ZNF579: variants seen among roughly 807,000 people sequenced by gnomAD.
The protein encoded by ZNF579 is zinc finger protein 579.
In ZNF579, 3 loss-of-function variants were observed where a neutral mutation model predicts 5.7. That is an observed-to-expected ratio of 0.53 (90% CI 0.24 to 1.36). The LOEUF (loss-of-function observed/expected upper bound fraction) is 1.36. Ranked by LOEUF, ZNF579 falls within the 40% of genes most tolerant of loss-of-function variation. The pLI, the probability that ZNF579 is intolerant of heterozygous loss-of-function variation, is 0.16. For missense variants in ZNF579, 679 were observed against 877.6 expected (o/e 0.77, Z 2.86); for synonymous variants, 454 against 409.0 (o/e 1.11, Z -1.33).
At position 55,579,601 on chromosome 19, in the gene ZNF579, T is replaced by G; in HGVS notation, c.39A>C (p.Pro13=). Reference sequence around the variant, plus strand: ...GGCCCCGGCCTCGGCCACGGTGAGGTGGGCTGCCCTGGGCGGGTGGAGGAG... The same window carrying G: ...GGCCCCGGCCTCGGCCACGGTGAGGGGGGCTGCCCTGGGCGGGTGGAGGAG... ...PQPPPPAQGS[P]PHRGRGRGRG... Residue 13 remains proline (P), a synonymous_variant, in exon 2 of 2, where the codon CCA becomes CCC. Coordinates refer to ENST00000325421, the MANE Select transcript of ZNF579 (RefSeq NM_152600.3). 1 of 1,484,332 alleles carries G rather than the reference T, an allele frequency of 6.7e-7. No individual in the cohort carries two copies. The highest frequency in any genetic ancestry group is 1.3e-5 in the South Asian group (1 of 79,514). 91.9% of individuals were successfully genotyped at this position (1,484,332 alleles called of 1,614,324 possible). A position where few individuals can be genotyped will look rare whatever the true frequency, so the allele number is the denominator to read the frequency against.
chr19:55,577,944 G>A lies in ZNF579; in HGVS notation c.*7C>T, dbSNP rs756192538. On this transcript the variant is annotated 3_prime_UTR_variant, in exon 2 of 2. Coordinates refer to ENST00000325421, the MANE Select transcript of ZNF579 (RefSeq NM_152600.3). ...AGGCGGAGCGGCGGAGGGCAGGGCG[G>A]CGAAGGTCAGGAGGCCAGGCCCCCC... 4.0e-5 allele frequency: 64 copies of A among 1,580,958 alleles called. No homozygotes were observed. Among genetic ancestry groups the A allele is most frequent in the Non-Finnish European group, 5.4e-5 (63 of 1,164,110 alleles).
rs1051674168 is a variant in ZNF579, at chr19:55,578,175, G to A, written c.1465C>T (p.Pro489Ser). The change falls in exon 2 of 2, where the codon CCG becomes TCG. Residue 489 changes from proline to serine, a missense_variant. This residue lies in a region of ZNF579 where 116 missense variants were observed against 121.9 expected (regional missense o/e 0.95). Coordinates refer to ENST00000325421, the MANE Select transcript of ZNF579 (RefSeq NM_152600.3). ...TCCTCCTGCTCGGCCTTCAGGGGCG[G>A]CGGGGGCGGTGGCGGCGACGTCGGG... ...QAPTSPPPPPPPLKAEQEEEG... is the reference protein window; with the variant it reads ...QAPTSPPPPPSPLKAEQEEEG... 1.3e-6 allele frequency: 2 copies of A among 1,504,020 alleles called. No individual in the cohort carries two copies. The highest frequency in any genetic ancestry group is 4.5e-5 in the Admixed American group (2 of 44,492). The allele number at this position is 1,504,020 out of a possible 1,614,324, so 93.2% of individuals were successfully genotyped here.
chr19:55,579,374 C>T lies in ZNF579; in HGVS notation c.266G>A (p.Arg89His). ...KAFRRPAHLSRHLRGHGPQPP... is the reference protein window; with the variant it reads ...KAFRRPAHLSHHLRGHGPQPP... Reference sequence around the variant, plus strand: ...CTGGGGCCCGTGGCCGCGCAGGTGGCGGGAAAGGTGGGCCGGCCGGCGGAA... The same window carrying T: ...CTGGGGCCCGTGGCCGCGCAGGTGGTGGGAAAGGTGGGCCGGCCGGCGGAA... Residue 89 changes from arginine (R) to histidine (H), a missense_variant, in exon 2 of 2, where the codon CGC becomes CAC. This residue lies in a region of ZNF579 where 134 missense variants were observed against 208.9 expected (regional missense o/e 0.64). Coordinates refer to ENST00000325421, the MANE Select transcript of ZNF579 (RefSeq NM_152600.3). 7.5e-7 allele frequency: 1 copy of T among 1,339,240 alleles called. No individual in the cohort carries two copies. The highest frequency in any genetic ancestry group is 9.6e-7 in the Non-Finnish European group (1 of 1,045,816). 83.0% of individuals were successfully genotyped at this position (1,339,240 alleles called of 1,614,324 possible).
At chr19:55,579,907 A>C in intron 1 of ZNF579, 1 of 375,390 alleles carries the variant, frequency 2.7e-6, no homozygotes, top group Non-Finnish European at 4.7e-6. Flanking sequence ...GACACAGAGA[A>C]GTGGGGATGG....
chr19:55,579,580 C>A lies in ZNF579; in HGVS notation c.60G>T (p.Arg20=), dbSNP rs760374088. The A allele has an allele frequency of 7.9e-5, 118 of 1,493,590 alleles. No homozygotes were observed. Among genetic ancestry groups the A allele is most frequent in the Non-Finnish European group, 6.6e-5 (74 of 1,128,268 alleles). The allele number at this position is 1,493,590 out of a possible 1,614,324, so 92.5% of individuals were successfully genotyped here. The part of the protein sequence containing the change: ...QGSPPHRGRG[R]GRGRGRGRGR... ...CCCGACCACGGCCTCGGCCACGGCC[C>A]CGGCCTCGGCCACGGTGAGGTGGGC... is the stretch of plus-strand genomic sequence containing the variant. Residue 20 remains arginine (R), a synonymous_variant, in exon 2 of 2, where the codon CGG becomes CGT. Coordinates refer to ENST00000325421, the MANE Select transcript of ZNF579 (RefSeq NM_152600.3).
rs1378381538 is a variant in ZNF579 at position 55,578,139 on chromosome 19, G to T, written c.1501C>A (p.Pro501Thr). Residue 501 changes from proline to threonine, a missense_variant, in exon 2 of 2, where the codon CCG becomes ACG. Coordinates refer to ENST00000325421, the MANE Select transcript of ZNF579 (RefSeq NM_152600.3). ...LKAEQEEEGL[P>T]LPLANIKEEP... is the part of the protein sequence containing the mutation. ...TCCTTAATGTTTGCGAGGGGCAGCGGGAGCCCTTCTTCCTCCTGCTCGGCC... is the reference window on the plus strand; with the variant it reads ...TCCTTAATGTTTGCGAGGGGCAGCGTGAGCCCTTCTTCCTCCTGCTCGGCC... 1.3e-6 allele frequency: 2 copies of T among 1,537,676 alleles called. No individual in the cohort carries two copies. Among genetic ancestry groups the T allele is most frequent in the African/African-American group, 2.7e-5 (2 of 72,866 alleles).
rs1979553363 is a variant in ZNF579 at position 55,579,406 on chromosome 19, G to A, written c.234C>T (p.Pro78=). Residue 78 remains proline (P), a synonymous_variant, in exon 2 of 2, where the codon CCC becomes CCT. Transcript: ENST00000325421. ...GGTGGGCCGGCCGGCGGAAGGCCTT[G>A]GGGCACAGCGGGCAGGCGTGGGGCC... is the stretch of plus-strand genomic sequence containing the variant. The part of the protein sequence containing the change: ...GLRPHACPLC[P]KAFRRPAHLS... 7.5e-7 allele frequency: 1 copy of A among 1,338,276 alleles called. No individual in the cohort carries two copies. The highest frequency in any genetic ancestry group is 9.6e-7 in the Non-Finnish European group (1 of 1,043,418). 82.9% of individuals were successfully genotyped at this position (1,338,276 alleles called of 1,614,324 possible).
Position 55,579,557 on chromosome 19 carries a change from C to T in ZNF579, c.83G>A (p.Arg28Gln), listed in dbSNP as rs1265278232. ...RGRGRGRGRG[R>Q]GRGRGRGGAG... ...GCCCCCCCTGCCACGGCCACGGCCC[C>T]GACCACGGCCTCGGCCACGGCCCCG... is the stretch of plus-strand genomic sequence containing the variant. Residue 28 changes from arginine to glutamine, a missense_variant, in exon 2 of 2, where the codon CGG (arginine) becomes CAG (glutamine). Physicochemically the swap from Arg to Gln is conservative, Grantham distance 43. This residue lies in a region of ZNF579 where 134 missense variants were observed against 208.9 expected (regional missense o/e 0.64). Transcript: ENST00000325421. The T allele has an allele frequency of 2.0e-6, 3 of 1,488,808 alleles. No individual in the cohort carries two copies. Among genetic ancestry groups the T allele is most frequent in the Admixed American group, 2.3e-5 (1 of 43,094 alleles). 92.2% of individuals were successfully genotyped at this position (1,488,808 alleles called of 1,614,324 possible).
Position 55,577,308 on chromosome 19 carries a change from A to G in ZNF579, c.*643T>C, listed in dbSNP as rs1979403795. On this transcript the variant is annotated 3_prime_UTR_variant, in exon 2 of 2. Transcript: ENST00000325421. ...GGCAGTGGTGAGGATAATCGCGCGG[A>G]GCTTCCACAGGGCAGCGGTGACGAT... is the stretch of plus-strand genomic sequence containing the variant. 6.4e-6 allele frequency: 1 copy of G among 156,626 alleles called. No homozygotes were observed. The highest frequency in any genetic ancestry group is 1.4e-5 in the Non-Finnish European group (1 of 70,600). The allele number at this position is 156,626 out of a possible 1,614,324, so 9.7% of individuals were successfully genotyped here.
rs1979526083 is a variant in ZNF579 at position 55,579,071 on chromosome 19, T to G, written c.569A>C (p.Glu190Ala). The G allele has an allele frequency of 6.5e-7, 1 of 1,528,752 alleles. No individual in the cohort carries two copies. Among genetic ancestry groups the G allele is most frequent in the African/African-American group, 1.4e-5 (1 of 71,782 alleles). The allele number at this position is 1,528,752 out of a possible 1,614,324, so 94.7% of individuals were successfully genotyped here. The part of the protein sequence containing the change: ...STLAAPTSAA[E>A]PRESESEEAE... ...CTCCTCCGACTCCGACTCCCGGGGCTCCGCGGCGCTGGTGGGCGCAGCCAG... is the reference window on the plus strand; with the variant it reads ...CTCCTCCGACTCCGACTCCCGGGGCGCCGCGGCGCTGGTGGGCGCAGCCAG... Residue 190 changes from glutamate (E) to alanine (A), a missense_variant, in exon 2 of 2, where the codon GAG becomes GCG. Coordinates refer to ENST00000325421, the MANE Select transcript of ZNF579 (RefSeq NM_152600.3).
In ZNF579 at chr19:55,578,651, G is replaced by A; in HGVS notation, c.989C>T (p.Pro330Leu). The part of the protein sequence containing the change: ...HGPLSLLAPL[P>L]AAGKKDDKAS... ...CTTGTCGTCCTTCTTGCCCGCCGCG[G>A]GCAGCGGGGCCAGCAGGCTGAGGGG... The change falls in exon 2 of 2, where the codon CCC becomes CTC. Residue 330 changes from proline (P) to leucine (L), a missense_variant. Pro to Leu is a moderately conservative substitution (Grantham distance 98). Coordinates refer to ENST00000325421, the MANE Select transcript of ZNF579 (RefSeq NM_152600.3). 6.5e-7 allele frequency: 1 copy of A among 1,530,312 alleles called. No homozygotes were observed. The highest frequency in any genetic ancestry group is 1.4e-5 in the African/African-American group (1 of 70,552). The allele number at this position is 1,530,312 out of a possible 1,614,324, so 94.8% of individuals were successfully genotyped here.
At position 55,579,148 on chromosome 19, in the gene ZNF579, C is replaced by T. The variant is rs12975044; in HGVS notation, c.492G>A (p.Glu164=). 2.6e-6 allele frequency: 4 copies of T among 1,525,316 alleles called. No individual in the cohort carries two copies. Among genetic ancestry groups the T allele is most frequent in the Non-Finnish European group, 3.5e-6 (4 of 1,142,076 alleles). The allele number at this position is 1,525,316 out of a possible 1,614,324, so 94.5% of individuals were successfully genotyped here. The change falls in exon 2 of 2, where the codon GAG becomes GAA. Residue 164 remains glutamate (E), a synonymous_variant. Transcript: ENST00000325421. ...TCTCAGGCCACGCTGCGACCGCCTCCTCCTCCGTGGCCCCTGCTGCAGCGG... is the reference window on the plus strand; with the variant it reads ...TCTCAGGCCACGCTGCGACCGCCTCTTCCTCCGTGGCCCCTGCTGCAGCGG... The part of the protein sequence containing the change: ...PTTAAAGATE[E]EAVAAWPETW...
chr19:55,578,738 G>T lies in ZNF579; in HGVS notation c.902C>A (p.Pro301Gln). The T allele has an allele frequency of 6.3e-7, 1 of 1,599,408 alleles. No individual in the cohort carries two copies. The highest frequency in any genetic ancestry group is 1.1e-5 in the South Asian group (1 of 89,392). Residue 301 changes from proline (P) to glutamine (Q), a missense_variant, in exon 2 of 2, where the codon CCA (proline) becomes CAA (glutamine). Around this residue, in one of 6 missense-constraint regions of ZNF579, gnomAD observed 38 missense variants for 70.3 expected, o/e 0.54. Transcript: ENST00000325421. ...GAGGCGGAAGGCCAGGCCGCAGTCT[G>T]GGCACACGAAAGGGCGGTCGGTGGA... The part of the protein sequence containing the change: ...VHSTDRPFVC[P>Q]DCGLAFRLAS...
chr19:55,578,095 C>A lies in ZNF579; in HGVS notation c.1545G>T (p.Gly515=). 6.4e-7 allele frequency: 1 copy of A among 1,567,392 alleles called. No individual in the cohort carries two copies. The highest frequency in any genetic ancestry group is 2.3e-5 in the East Asian group (1 of 42,964). Reference sequence around the variant, plus strand: ...GAGCCGGCGGGGACTGGGGTGGGGTCCCCGGAGAGGGCGGCTCTTCCTTAA... The same window carrying A: ...GAGCCGGCGGGGACTGGGGTGGGGTACCCGGAGAGGGCGGCTCTTCCTTAA... ...ANIKEEPPSP[G]TPPQSPPAPP... is the part of the protein sequence containing the mutation. The change falls in exon 2 of 2, where the codon GGG becomes GGT. Residue 515 remains glycine (G), a synonymous_variant. Coordinates refer to ENST00000325421, the MANE Select transcript of ZNF579 (RefSeq NM_152600.3).
rs1342772498 is a variant in ZNF579, at chr19:55,578,632, G to A, written c.1008C>T (p.Asp336=). The change falls in exon 2 of 2, where the codon GAC becomes GAT. Residue 336 remains aspartate (D), a synonymous_variant. Coordinates refer to ENST00000325421, the MANE Select transcript of ZNF579 (RefSeq NM_152600.3). ...AGTTCCGTGCACCCGAGGCCTTGTCGTCCTTCTTGCCCGCCGCGGGCAGCG... is the reference window on the plus strand; with the variant it reads ...AGTTCCGTGCACCCGAGGCCTTGTCATCCTTCTTGCCCGCCGCGGGCAGCG... ...LAPLPAAGKK[D]DKASGARNSA... 9 of 1,527,022 alleles carry A rather than the reference G, an allele frequency of 5.9e-6. No homozygotes were observed. The highest frequency in any genetic ancestry group is 2.0e-5 in the Admixed American group (1 of 48,980). 94.6% of individuals were successfully genotyped at this position (1,527,022 alleles called of 1,614,324 possible).
rs1288644506 is a variant in ZNF579 at position 55,578,518 on chromosome 19, C to G, written c.1122G>C (p.Pro374=). 5.7e-6 allele frequency: 8 copies of G among 1,401,760 alleles called. No individual in the cohort carries two copies. The highest frequency in any genetic ancestry group is 2.9e-5 in the East Asian group (1 of 34,760). 86.8% of individuals were successfully genotyped at this position (1,401,760 alleles called of 1,614,324 possible). A position where few individuals can be genotyped will look rare whatever the true frequency, so the allele number is the denominator to read the frequency against. ...GEGQNGGDAA[P]ARPPAGEPRF... ...GGGGCTCCCCGGCGGGGGGCCGAGC[C>G]GGGGCGGCGTCGCCTCCGTTCTGCC... Residue 374 remains proline (P), a synonymous_variant, in exon 2 of 2, where the codon CCG becomes CCC. Transcript: ENST00000325421.
At position 55,578,504 on chromosome 19, in the gene ZNF579, G is replaced by C. The variant is rs371081934; in HGVS notation, c.1136C>G (p.Ala379Gly). Reference sequence around the variant, plus strand: ...TGGGCACCAGAAGCGGGGCTCCCCGGCGGGGGGCCGAGCCGGGGCGGCGTC... The same window carrying C: ...TGGGCACCAGAAGCGGGGCTCCCCGCCGGGGGGCCGAGCCGGGGCGGCGTC... ...GGDAAPARPPAGEPRFWCPEC... is the reference protein window; with the variant it reads ...GGDAAPARPPGGEPRFWCPEC... The change falls in exon 2 of 2, where the codon GCC (alanine) becomes GGC (glycine). Residue 379 changes from alanine to glycine, a missense_variant. Physicochemically the swap from Ala to Gly is moderately conservative, Grantham distance 60. Coordinates refer to ENST00000325421, the MANE Select transcript of ZNF579 (RefSeq NM_152600.3). The C allele has an allele frequency of 2.0e-3, 2,771 of 1,416,418 alleles. 50 individuals carry two copies. In the East Asian group the frequency reaches 0.052, roughly 27 times the overall value. The allele number at this position is 1,416,418 out of a possible 1,614,324, so 87.7% of individuals were successfully genotyped here.
At position 55,577,960 on chromosome 19, in the gene ZNF579, C is replaced by G. The variant is rs1228913116; in HGVS notation, c.1680G>C (p.Leu560=). Residue 560 remains leucine (L), a synonymous_variant, in exon 2 of 2, where the codon CTG becomes CTC. Coordinates refer to ENST00000325421, the MANE Select transcript of ZNF579 (RefSeq NM_152600.3). ...SKAHLRGLGG[L]AS ...GGCAGGGCGGCGAAGGTCAGGAGGC[C>G]AGGCCCCCCAGCCCGCGCAGGTGAG... 1.9e-6 allele frequency: 3 copies of G among 1,591,394 alleles called. No individual in the cohort carries two copies. The highest frequency in any genetic ancestry group is 1.7e-6 in the Non-Finnish European group (2 of 1,169,268).
Position 55,579,145 on chromosome 19 carries a change from C to G in ZNF579, c.495G>C (p.Glu165Asp). 1 of 1,525,272 alleles carries G rather than the reference C, an allele frequency of 6.6e-7. No homozygotes were observed. Among genetic ancestry groups the G allele is most frequent in the Non-Finnish European group, 8.8e-7 (1 of 1,141,998 alleles). The allele number at this position is 1,525,272 out of a possible 1,614,324, so 94.5% of individuals were successfully genotyped here. A position where few individuals can be genotyped will look rare whatever the true frequency, so the allele number is the denominator to read the frequency against. Residue 165 changes from glutamate (E) to aspartate (D), a missense_variant, in exon 2 of 2, where the codon GAG becomes GAC. Physicochemically the swap from Glu to Asp is conservative, Grantham distance 45. Transcript: ENST00000325421. ...ACGTCTCAGGCCACGCTGCGACCGC[C>G]TCCTCCTCCGTGGCCCCTGCTGCAG... ...TTAAAGATEE[E>D]AVAAWPETWP...
Sources: gnomAD v4.1 joint callset for allele counts on GRCh38, gnomAD v4.1.1 for gene constraint, gnomAD v4.1.1 regional missense constraint, MANE v1.5 for transcripts, NCBI Gene and HGNC (gene_info 2026-07-23, HGNC 2026-07-21) for gene names.